The following KATNIP variants were observed in gnomAD, a reference collection of about 807,000 sequenced individuals.
The protein encoded by KATNIP is katanin-interacting protein.
In KATNIP, 126 loss-of-function variants were observed where a neutral mutation model predicts 174.0. The observed-to-expected ratio is 0.72, with a 90% confidence interval of 0.63 to 0.84. KATNIP has a LOEUF of 0.84. KATNIP is among the 40% of genes least tolerant of loss of function. The probability of loss-of-function intolerance (pLI) is 0.00; values close to 1 mark genes in which losing one functional copy is unlikely to be tolerated. For synonymous variants in KATNIP, 810 were observed against 835.7 expected, an observed-to-expected ratio of 0.97 and a Z score of 0.53; for missense variants, 1,958 against 2,109.7, an observed-to-expected ratio of 0.93 and a Z score of 1.41.
At chr16:27,613,199 A>C (rs1338166960) in intron 2 of KATNIP, among the ~76,000 whole-genome samples, 1 of 152,154 alleles carries the variant, frequency 6.6e-6, no homozygotes, top group Non-Finnish European at 1.5e-5. Context: ...GTTTGAGCCC[A>C]GGAAGTTGAG....
At position 27,751,811 on chromosome 16, in the gene KATNIP, G is replaced by T. The variant is rs1567399609; in HGVS notation, c.3439G>T (p.Val1147Leu). 1 of 1,614,266 alleles carries T rather than the reference G, an allele frequency of 6.2e-7. No individual in the cohort carries two copies. The highest frequency in any genetic ancestry group is 2.2e-5 in the East Asian group (1 of 44,890). Reference sequence around the variant, plus strand: ...TTCTGATGAGATGTTTGACCTGGATGTGGGGAGCCTGGACAGCCTGCAGGA... The same window carrying T: ...TTCTGATGAGATGTTTGACCTGGATTTGGGGAGCCTGGACAGCCTGCAGGA... Reference protein sequence around the residue: ...FYSDEMFDLDVGSLDSLQDEE... With the variant: ...FYSDEMFDLDLGSLDSLQDEE... The change falls in exon 17 of 28, where the codon GTG becomes TTG. Residue 1147 changes from valine (V) to leucine (L), a missense_variant. Val to Leu is a conservative substitution (Grantham distance 32, BLOSUM62 1). This residue lies in a region of KATNIP where 1,557 missense variants were observed against 1,617.8 expected (regional missense o/e 0.96). Coordinates refer to ENST00000261588, the MANE Select transcript of KATNIP (RefSeq NM_015202.5).
chr16:27,730,551 T>G (rs1449492711), intron 14 of KATNIP, among the ~76,000 whole-genome samples: 1 of 152,164 alleles, frequency 6.6e-6, no homozygotes, highest in African/African-American at 2.4e-5. Flanking sequence ...CTGGCCCCCA[T>G]AAAACTCTTC....
chr16:27,600,340 T>C (rs10492922), intron 2 of KATNIP, among the ~76,000 whole-genome samples: 11,982 of 152,228 alleles, frequency 0.079, 579 homozygotes, highest in African/African-American at 0.092. Flanking sequence ...CTGCAGTATG[T>C]GAGAGTTAAT....
rs146054140 is a variant in KATNIP at position 27,559,383 on chromosome 16, C to G, written c.7+9206C>G. Among the ~76,000 whole-genome samples, 122 of 152,190 alleles carry G rather than the reference C, an allele frequency of 8.0e-4. 2 individuals carry two copies. The highest frequency in any genetic ancestry group is 2.8e-3 in the African/African-American group (115 of 41,542). On this transcript the variant is annotated intron_variant, in intron 1 of 27. Transcript: ENST00000261588. ...GTCTATCAATATGTTTTTCCATATTCAAAAATAGTGATTTCAGGCCAGGCA... is the reference window on the plus strand; with the variant it reads ...GTCTATCAATATGTTTTTCCATATTGAAAAATAGTGATTTCAGGCCAGGCA...
intron 18 of KATNIP, among the ~76,000 whole-genome samples, chr16:27,760,930 A>T (rs1244168030): frequency 1.3e-5 from 2 of 152,302 alleles, no homozygotes; most frequent in South Asian, 4.2e-4. Context: ...CAACCAGGCC[A>T]TGTGAATTCT....
At chr16:27,695,826 T>TAC (rs1330404743) in intron 8 of KATNIP, among the ~76,000 whole-genome samples, 5 of 152,300 alleles carry the variant, frequency 3.3e-5, no homozygotes, top group African/African-American at 1.2e-4. Flanking sequence ...GAGAGGATGT[T>TAC]ACACTGACCT....
intron 2 of KATNIP, among the ~76,000 whole-genome samples, chr16:27,579,206 G>A (rs1284251939): frequency 2.0e-5 from 3 of 152,058 alleles, no homozygotes; most frequent in Non-Finnish European, 2.9e-5. Context: ...GGCACTGTGG[G>A]GCTCATGAGC....
chr16:27,777,390 C>A lies in KATNIP; in HGVS notation c.4552-220C>A, dbSNP rs1458052045. Among the ~76,000 whole-genome samples, 2 of 152,226 alleles carry A rather than the reference C, an allele frequency of 1.3e-5. No individual in the cohort carries two copies. The highest frequency in any genetic ancestry group is 4.8e-5 in the African/African-American group (2 of 41,464). On this transcript the variant is annotated intron_variant, in intron 25 of 27. Transcript: ENST00000261588. The surrounding 1 kb of genome is among the most constrained non-coding windows in gnomAD (Gnocchi z 4.4). ...AATGGTATTAAAGCCCCTCGGGCCT[C>A]AATTTCCTCATCTGCAATGCATGCT...
Position 27,703,994 on chromosome 16 carries a change from C to T in KATNIP, c.1385C>T (p.Thr462Ile), listed in dbSNP as rs1248102243. The change falls in exon 12 of 28, where the codon ACA becomes ATA. Residue 462 changes from threonine (T) to isoleucine (I), a missense_variant. Physicochemically the swap from Thr to Ile is moderately conservative, Grantham distance 89. Around this residue, in one of 3 missense-constraint regions of KATNIP, gnomAD observed 1,557 missense variants for 1,617.8 expected, o/e 0.96. Transcript: ENST00000261588. Reference protein sequence around the residue: ...VSPTKEQVSDTEDKQRMRADE... With the variant: ...VSPTKEQVSDIEDKQRMRADE... ...CCAACCAAGGAGCAAGTATCAGACA[C>T]AGAGGTGAGAGCCTTGACTTGATTT... The T allele has an allele frequency of 1.2e-6, 2 of 1,613,244 alleles. No homozygotes were observed. Among genetic ancestry groups the T allele is most frequent in the South Asian group, 2.2e-5 (2 of 91,068 alleles).
chr16:27,607,955 G>A (rs1167878692), intron 2 of KATNIP, among the ~76,000 whole-genome samples: 2 of 152,074 alleles, frequency 1.3e-5, no homozygotes, highest in Non-Finnish European at 2.9e-5. Flanking sequence ...TGGTTCTCTG[G>A]TGAGACCTGC....
Position 27,774,991 on chromosome 16 carries a change from C to T in KATNIP, c.4356C>T (p.Gly1452=), listed in dbSNP as rs61745794. The T allele has an allele frequency of 1.3e-3, 2,114 of 1,613,774 alleles. 22 individuals are homozygous for T. In the African/African-American group the frequency reaches 0.025, roughly 19 times the overall value. ...GCGTGAACTCCCTGGAGGGTGTGGG[C>T]GGGGACGTCCGCACCCCAGACAAGC... ...PDSVNSLEGV[G]GDVRTPDKLI... Residue 1452 remains glycine (G), a synonymous_variant, in exon 24 of 28, where the codon GGC becomes GGT. Coordinates refer to ENST00000261588, the MANE Select transcript of KATNIP (RefSeq NM_015202.5).
In KATNIP at chr16:27,775,038, C is replaced by G. The variant is rs888265684; in HGVS notation, c.4403C>G (p.Thr1468Ser). The G allele has an allele frequency of 4.3e-6, 7 of 1,613,316 alleles. No homozygotes were observed. In the African/African-American group the frequency reaches 8.0e-5, roughly 18 times the overall value. The change falls in exon 24 of 28, where the codon ACC becomes AGC. Residue 1468 changes from threonine (T) to serine (S), a missense_variant. Thr to Ser is a moderately conservative substitution (Grantham distance 58). Coordinates refer to ENST00000261588, the MANE Select transcript of KATNIP (RefSeq NM_015202.5). ...PDKLIDQVND[T>S]SDGRHMWLAP... The stretch of plus-strand genomic sequence containing the variant: ...AAGCTCATCGACCAAGTGAACGACA[C>G]CAGTGATGGCCGGCACATGTGGCTG...
intron 2 of KATNIP, among the ~76,000 whole-genome samples, chr16:27,613,223 G>A (rs562409901): frequency 5.9e-5 from 9 of 152,078 alleles, no homozygotes; most frequent in East Asian, 1.9e-4. Flanking sequence ...GCAGTGAGCC[G>A]AAATCGCACC....
intron 2 of KATNIP, among the ~76,000 whole-genome samples, chr16:27,605,698 A>G (rs1281586717): frequency 1.3e-5 from 2 of 152,064 alleles, no homozygotes; most frequent in African/African-American, 2.4e-5. Context: ...GTTTCATTCT[A>G]CCTCTAGGGG....
chr16:27,560,453 T>C (rs555197384), intron 1 of KATNIP, among the ~76,000 whole-genome samples: 1 of 152,284 alleles, frequency 6.6e-6, no homozygotes, highest in Admixed American at 6.5e-5. Flanking sequence ...GATGACCCCT[T>C]CTGGCTGGTG....
chr16:27,671,942 G>A (rs891375044), intron 6 of KATNIP, among the ~76,000 whole-genome samples: 8 of 152,284 alleles, frequency 5.3e-5, no homozygotes, highest in Middle Eastern at 3.4e-3. Flanking sequence ...TGTGATCCCA[G>A]CTACTTGGGA....
chr16:27,566,515 C>T (rs1479340930), intron 1 of KATNIP, among the ~76,000 whole-genome samples: 2 of 148,476 alleles, frequency 1.3e-5, no homozygotes, highest in Non-Finnish European at 3.0e-5. Flanking sequence ...CAGCCCCAGG[C>T]GACAGAGTGA....
At chr16:27,583,571 C>T (rs2090775786) in intron 2 of KATNIP, among the ~76,000 whole-genome samples, 1 of 152,180 alleles carries the variant, frequency 6.6e-6, no homozygotes. Context: ...AGTGCCAGGC[C>T]ATGGGGGCTT....
chr16:27,738,311 G>A (rs902511411), intron 14 of KATNIP, among the ~76,000 whole-genome samples: 1 of 152,156 alleles, frequency 6.6e-6, no homozygotes, highest in African/African-American at 2.4e-5. Context: ...AGGGGCACGA[G>A]GAAACCTTAG....
Sources: allele counts gnomAD v4.1 joint callset (sites outside exome capture counted in the v4.1 genomes callset), GRCh38; gene constraint gnomAD v4.1.1; regional missense constraint gnomAD v4.1.1; non-coding constraint Gnocchi (gnomAD v3.1); transcripts MANE v1.5; gene names NCBI Gene and HGNC (gene_info 2026-07-23, HGNC 2026-07-21).